TNRC18: variants seen among roughly 807,000 people sequenced by gnomAD.
TNRC18 encodes trinucleotide repeat-containing gene 18 protein.
A neutral mutation model predicts 226.7 loss-of-function variants in TNRC18; 69 were observed. The observed-to-expected ratio is 0.30, with a 90% confidence interval of 0.25 to 0.37. The LOEUF (loss-of-function observed/expected upper bound fraction) is 0.37, where lower values mean the gene tolerates loss of function less well. Ranked by LOEUF, TNRC18 falls within the 10% of genes least tolerant of loss-of-function variation. The pLI is 1.00. For synonymous variants in TNRC18, 2,449 were observed against 1,927.6 expected (o/e 1.27, Z -7.09); for missense variants, 4,754 against 4,256.6 (o/e 1.12, Z -3.25).
chr7:5,377,324 C>A lies in TNRC18; in HGVS notation c.2461+47G>T. The stretch of plus-strand genomic sequence containing the variant: ...GCTCTTGTCCTGCACCCGCCCCCTC[C>A]CACCCCTCCCTCAGAGAAGGGGAGA... On this transcript the variant is annotated intron_variant, in intron 7 of 29. Transcript: ENST00000430969. The surrounding 1 kb of genome is among the most constrained non-coding windows in gnomAD (Gnocchi z 5.8). 1 of 1,087,806 alleles carries A rather than the reference C, an allele frequency of 9.2e-7. No homozygotes were observed. The highest frequency in any genetic ancestry group is 1.3e-6 in the Non-Finnish European group (1 of 756,758). 67.4% of individuals were successfully genotyped at this position (1,087,806 alleles called of 1,614,324 possible). A position where few individuals can be genotyped will look rare whatever the true frequency, so the allele number is the denominator to read the frequency against.
In TNRC18 at chr7:5,387,659, G is replaced by A. The variant is rs1456188169; in HGVS notation, c.2152+13C>T. 2 of 1,602,270 alleles carry A rather than the reference G, an allele frequency of 1.2e-6. No homozygotes were observed. Among genetic ancestry groups the A allele is most frequent in the South Asian group, 1.1e-5 (1 of 91,078 alleles). ...AAGATCCTACCCGCACCTGGGCTCT[G>A]CCCAGGACCTACCTTTGACGTTACT... On this transcript the variant is annotated intron_variant, in intron 5 of 29. Transcript: ENST00000430969.
chr7:5,344,863 G>A (rs939608047), intron 18 of TNRC18, among the ~76,000 whole-genome samples: 1 of 152,164 alleles, frequency 6.6e-6, no homozygotes, highest in Non-Finnish European at 1.5e-5. Context: ...AAGAAGGCAG[G>A]GCCCTGATGC....
rs1256656809 is a variant in TNRC18, at chr7:5,421,051, G to T, written c.187+9C>A. On this transcript the variant is annotated intron_variant, in intron 2 of 29. Transcript: ENST00000430969. Reference sequence around the variant, plus strand: ...ACAGGAGGGGACGGGCACGGCGCGGGGCACTTACCCGGGTGCGGATGGAGA... The same window carrying T: ...ACAGGAGGGGACGGGCACGGCGCGGTGCACTTACCCGGGTGCGGATGGAGA... 10 of 1,524,654 alleles carry T rather than the reference G, an allele frequency of 6.6e-6. No individual in the cohort carries two copies. Among genetic ancestry groups the T allele is most frequent in the Non-Finnish European group, 8.9e-6 (10 of 1,126,822 alleles). 94.4% of individuals were successfully genotyped at this position (1,524,654 alleles called of 1,614,324 possible).
chr7:5,314,563 C>CTTTTT (rs67183154), intron 26 of TNRC18, among the ~76,000 whole-genome samples: 4 of 79,642 alleles, frequency 5.0e-5, no homozygotes, highest in Non-Finnish European at 7.1e-5. Context: ...GAGTTCTCTT[C>CTTTTT]TTTTTTTTTT....
At chr7:5,423,385 G>C (rs1020798604) in intron 1 of TNRC18, 56 bp downstream of exon 1, 1 of 152,230 alleles carries the variant, frequency 6.6e-6, no homozygotes, top group Admixed American at 6.5e-5. Flanking sequence ...GCGAGCTGGA[G>C]AAGTTTGGAG....
chr7:5,380,618 T>C (rs946021696), intron 5 of TNRC18, among the ~76,000 whole-genome samples: 4 of 152,120 alleles, frequency 2.6e-5, no homozygotes, highest in Admixed American at 6.5e-5. Context: ...CCTCCAGGGC[T>C]ACCTGGACCT....
In TNRC18 at chr7:5,370,581, G is replaced by A. The variant is rs1484033873; in HGVS notation, c.4013C>T (p.Pro1338Leu). 5.0e-6 allele frequency: 8 copies of A among 1,613,010 alleles called. No homozygotes were observed. The highest frequency in any genetic ancestry group is 6.8e-6 in the Non-Finnish European group (8 of 1,179,672). Reference protein sequence around the residue: ...SDQFLPSLEDPLAGMNALAAA... With the variant: ...SDQFLPSLEDLLAGMNALAAA... ...CGCCAGGGCGTTCATGCCAGCCAGT[G>A]GGTCCTCCAGACTGGGCAGGAACTG... is the stretch of plus-strand genomic sequence containing the variant. The change falls in exon 11 of 30, where the codon CCA (proline) becomes CTA (leucine). Residue 1338 changes from proline to leucine, a missense_variant. Physicochemically the swap from Pro to Leu is moderately conservative, Grantham distance 98. Coordinates refer to ENST00000430969, the MANE Select transcript of TNRC18 (RefSeq NM_001080495.3).
intron 2 of TNRC18, among the ~76,000 whole-genome samples, chr7:5,401,775 T>C (rs184742140): frequency 0.016 from 2,445 of 152,254 alleles, 70 homozygotes; most frequent in African/African-American, 0.057. Flanking sequence ...ATGCTGCACA[T>C]CGGAGGTACT....
In TNRC18 at chr7:5,388,219, G is replaced by T. The variant is rs1055203238; in HGVS notation, c.1605C>A (p.Ala535=). ...CAGCGACCACGGCGGCCTCCTCTTCGGCGCGGCTGTGGTGGTGCTGCGCGG... is the reference window on the plus strand; with the variant it reads ...CAGCGACCACGGCGGCCTCCTCTTCTGCGCGGCTGTGGTGGTGCTGCGCGG... ...VLAAQHHHSR[A]EEEAAVVAAS... Residue 535 remains alanine (A), a synonymous_variant, in exon 5 of 30, where the codon GCC becomes GCA. Coordinates refer to ENST00000430969, the MANE Select transcript of TNRC18 (RefSeq NM_001080495.3). 2.5e-6 allele frequency: 4 copies of T among 1,600,778 alleles called. No homozygotes were observed. The highest frequency in any genetic ancestry group is 2.7e-5 in the African/African-American group (2 of 74,742).
intron 2 of TNRC18, among the ~76,000 whole-genome samples, chr7:5,397,061 A>G (rs1352819415): frequency 1.3e-5 from 2 of 152,016 alleles, no homozygotes; most frequent in African/African-American, 2.4e-5. Context: ...GCCACACGCC[A>G]TCACCACCAC....
chr7:5,372,074 T>G (rs1448253171), intron 10 of TNRC18, among the ~76,000 whole-genome samples: 3 of 151,558 alleles, frequency 2.0e-5, no homozygotes, highest in Non-Finnish European at 4.4e-5. Flanking sequence ...TGGCTAATTT[T>G]TTTTTTTTTT....
chr7:5,386,729 A>G lies in TNRC18; in HGVS notation c.2152+943T>C, dbSNP rs28689492. 9.6e-3 allele frequency among the ~76,000 whole-genome samples: 1,457 copies of G among 152,246 alleles called. 30 individuals are homozygous for G. Among genetic ancestry groups the G allele is most frequent in the African/African-American group, 0.033 (1,377 of 41,542 alleles). On this transcript the variant is annotated intron_variant, in intron 5 of 29. Transcript: ENST00000430969. ...CACACCACTGCACTCCACCCTGGGT[A>G]ACAGAGCAAGACTCTATCTCTAAAA...
Position 5,313,769 on chromosome 7 carries a change from C to A in TNRC18, c.7122G>T (p.Lys2374Asn). ...GCTTGTCCACAGGCTCTGGGGGGCT[C>A]TTCTTGGAACCTGGGGTGCTGCTCG... Reference protein sequence around the residue: ...LEPSSTPGSKKSPPEPVDKRA... With the variant: ...LEPSSTPGSKNSPPEPVDKRA... Residue 2374 changes from lysine (K) to asparagine (N), a missense_variant, in exon 27 of 30, where the codon AAG becomes AAT. By Grantham distance (94) the Lys-to-Asn change is moderately conservative (BLOSUM62 0). Transcript: ENST00000430969. 7 of 1,547,798 alleles carry A rather than the reference C, an allele frequency of 4.5e-6. No individual in the cohort carries two copies. The highest frequency in any genetic ancestry group is 6.1e-6 in the Non-Finnish European group (7 of 1,147,776).
At position 5,389,125 on chromosome 7, in the gene TNRC18, C is replaced by A; in HGVS notation, c.699G>T (p.Ser233=). The part of the protein sequence containing the change: ...KDPRARGEEA[S]GPRGVVDLTQ... ...TCAGGTCCACCACGCCCCGTGGCCC[C>A]GAGGCCTCCTCGCCCCGGGCGCGCG... Residue 233 remains serine (S), a synonymous_variant, in exon 5 of 30, where the codon TCG becomes TCT. Transcript: ENST00000430969. 1 of 1,320,884 alleles carries A rather than the reference C, an allele frequency of 7.6e-7. No homozygotes were observed. Among genetic ancestry groups the A allele is most frequent in the Non-Finnish European group, 9.7e-7 (1 of 1,034,796 alleles). 81.8% of individuals were successfully genotyped at this position (1,320,884 alleles called of 1,614,324 possible).
intron 18 of TNRC18, among the ~76,000 whole-genome samples, chr7:5,339,577 G>T (rs1048183296): frequency 1.5e-5 from 2 of 136,402 alleles, no homozygotes; most frequent in East Asian, 2.2e-4. Flanking sequence ...GTGTGTGTGT[G>T]TTTTTCGACA....
chr7:5,337,440 C>T (rs763457088), intron 18 of TNRC18, among the ~76,000 whole-genome samples: 60 of 150,796 alleles, frequency 4.0e-4, no homozygotes, highest in Non-Finnish European at 6.8e-4. Context: ...GTCAAGATCG[C>T]GCCATTGCAC....
intron 2 of TNRC18, among the ~76,000 whole-genome samples, chr7:5,398,055 C>T (rs1780817624): frequency 6.6e-6 from 1 of 152,122 alleles, no homozygotes; most frequent in Admixed American, 6.6e-5. Flanking sequence ...GGCTGCAGTG[C>T]AGTGGCTCGA....
chr7:5,420,442 C>T (rs1036413665), intron 2 of TNRC18: 1 of 455,072 alleles, frequency 2.2e-6, no homozygotes, highest in Non-Finnish European at 4.4e-6. Flanking sequence ...CGCCCTCCTA[C>T]CGGGGTGCAG....
At position 5,412,244 on chromosome 7, in the gene TNRC18, GAAAAAAA is replaced by G. The variant is rs55864404; in HGVS notation, c.187+8809_187+8815del. 1.1e-3 allele frequency among the ~76,000 whole-genome samples: 78 copies of G among 71,886 alleles called. 1 individual carries two copies. The highest frequency in any genetic ancestry group is 0.018 in the Middle Eastern group (2 of 112). 47.2% of individuals were successfully genotyped at this position (71,886 alleles called of 152,430 possible). On this transcript the variant is annotated intron_variant, in intron 2 of 29. Transcript: ENST00000430969. ...CCAGATATTCTAAGAAATTCCAAAT[GAAAAAAA>G]AAAAAAAAAAAAAAAGACATTAATT...
Sources: allele counts gnomAD v4.1 joint callset (sites outside exome capture counted in the v4.1 genomes callset), GRCh38; gene constraint gnomAD v4.1.1; non-coding constraint Gnocchi (gnomAD v3.1); transcripts MANE v1.5; gene names NCBI Gene and HGNC (gene_info 2026-07-23, HGNC 2026-07-21).